The following ZBTB38 variants were observed in gnomAD, a reference collection of about 807,000 sequenced individuals.
ZBTB38 encodes zinc finger and BTB domain-containing protein 38.
In ZBTB38, 20 loss-of-function variants were observed where a neutral mutation model predicts 76.8. That is an observed-to-expected ratio of 0.26 (90% confidence interval 0.18 to 0.38). The LOEUF is 0.38. Among genes scored for constraint, ZBTB38 ranks in the 10% least tolerant of loss-of-function variants. ZBTB38 has a pLI of 1.00. For synonymous variants in ZBTB38, 504 were observed against 544.2 expected (o/e 0.93, Z 1.03); for missense variants, 1,082 against 1,482.3 (o/e 0.73, Z 4.43).
chr3:141,361,080 AC>A (rs1439105667), intron 1 of ZBTB38, among the ~76,000 whole-genome samples: 1 of 152,174 alleles, frequency 6.6e-6, no homozygotes, highest in Non-Finnish European at 1.5e-5. Context: ...CACTCAGGGA[AC>A]TTTGTTTTCC....
intron 2 of ZBTB38, among the ~76,000 whole-genome samples, chr3:141,377,294 T>C (rs1384203134): frequency 6.6e-6 from 1 of 152,176 alleles, no homozygotes; most frequent in African/African-American, 2.4e-5. Context: ...AACTGCTGTG[T>C]AGACAGCTAC....
chr3:141,398,001 T>TA (rs960457611), intron 4 of ZBTB38, among the ~76,000 whole-genome samples: 2 of 152,178 alleles, frequency 1.3e-5, no homozygotes, highest in Non-Finnish European at 2.9e-5. Flanking sequence ...TTTCAACCTG[T>TA]AAAAAAAGAC....
chr3:141,445,161 A>G lies in ZBTB38; in HGVS notation c.2773A>G (p.Lys925Glu). Residue 925 changes from lysine to glutamate, a missense_variant, in exon 6 of 6, where the codon AAA becomes GAA. Transcript: ENST00000321464. The surrounding 1 kb of genome is among the most constrained non-coding windows in gnomAD (Gnocchi z 6.5). ...GCGCCCTTACTACAACTACAAACCC[A>G]AAAAGAAATCCAGACAGTTGAAAAA... ...PWRPYYNYKP[K>E]KKSRQLKKMR... 1 of 1,614,146 alleles carries G rather than the reference A, an allele frequency of 6.2e-7. No individual in the cohort carries two copies. The highest frequency in any genetic ancestry group is 8.5e-7 in the Non-Finnish European group (1 of 1,180,016).
intron 5 of ZBTB38, among the ~76,000 whole-genome samples, chr3:141,415,247 C>T (rs1266346093): frequency 2.0e-5 from 3 of 152,124 alleles, no homozygotes; most frequent in East Asian, 1.9e-4. Context: ...CACCCATTTT[C>T]GTTGTAGGAG....
chr3:141,342,614 A>G (rs116488167), intron 1 of ZBTB38, among the ~76,000 whole-genome samples: 1,749 of 152,022 alleles, frequency 0.012, 22 homozygotes, highest in South Asian at 0.076. Flanking sequence ...AGCGGGTGCC[A>G]CACCCAGATT....
intron 1 of ZBTB38, among the ~76,000 whole-genome samples, chr3:141,333,496 A>G (rs906340491): frequency 6.6e-6 from 1 of 152,040 alleles, no homozygotes; most frequent in Non-Finnish European, 1.5e-5. Flanking sequence ...CTCAGATCAC[A>G]TTTGTGAGAT....
chr3:141,350,404 T>C (rs1428536089), intron 1 of ZBTB38, among the ~76,000 whole-genome samples: 1 of 152,224 alleles, frequency 6.6e-6, no homozygotes, highest in African/African-American at 2.4e-5. Flanking sequence ...AGTTTGTATT[T>C]GCCTTTCTGA....
intron 4 of ZBTB38, among the ~76,000 whole-genome samples, chr3:141,396,722 C>G (rs1950423128): frequency 1.3e-5 from 2 of 152,198 alleles, no homozygotes; most frequent in Admixed American, 1.3e-4. Flanking sequence ...GTTGTGTTAG[C>G]AGGCATGAAA....
At chr3:141,403,544 G>T (rs574299344) in intron 4 of ZBTB38, among the ~76,000 whole-genome samples, 1 of 152,174 alleles carries the variant, frequency 6.6e-6, no homozygotes, top group Non-Finnish European at 1.5e-5. Flanking sequence ...TGAGACTTTT[G>T]GTTTTCGGTT....
At chr3:141,350,456 C>G (rs1218013597) in intron 1 of ZBTB38, among the ~76,000 whole-genome samples, 3 of 152,116 alleles carry the variant, frequency 2.0e-5, no homozygotes, top group Admixed American at 2.0e-4. Flanking sequence ...TATTCAGTCT[C>G]CTTATGTAAT....
intron 5 of ZBTB38, among the ~76,000 whole-genome samples, chr3:141,412,785 C>T (rs1957087112): frequency 6.6e-6 from 1 of 151,968 alleles, no homozygotes; most frequent in Admixed American, 6.5e-5. Flanking sequence ...TTTCTCCCTC[C>T]CACAATTTTT....
intron 1 of ZBTB38, among the ~76,000 whole-genome samples, chr3:141,362,380 G>C (rs1032472672): frequency 6.6e-6 from 1 of 152,048 alleles, no homozygotes. Flanking sequence ...GATTCTCAGA[G>C]GTTATGATCT....
At chr3:141,420,102 G>A (rs2150131024) in intron 5 of ZBTB38, among the ~76,000 whole-genome samples, 1 of 152,314 alleles carries the variant, frequency 6.6e-6, no homozygotes, top group African/African-American at 2.4e-5. Context: ...TCAGGATGAG[G>A]AAGGTGGTGT....
chr3:141,371,041 CTTT>C (rs1576719321), intron 2 of ZBTB38, among the ~76,000 whole-genome samples: 1 of 75,458 alleles, frequency 1.3e-5, no homozygotes, highest in Admixed American at 1.1e-4. Context: ...TCTTTTCTTT[CTTT>C]CTTTTTTTTT....
intron 3 of ZBTB38, among the ~76,000 whole-genome samples, chr3:141,385,492 G>A: frequency 6.6e-6 from 1 of 152,064 alleles, no homozygotes; most frequent in East Asian, 1.9e-4. Flanking sequence ...AATTTTGCTA[G>A]CAAGCTATGC....
intron 5 of ZBTB38, among the ~76,000 whole-genome samples, chr3:141,436,388 G>A (rs920272154): frequency 2.6e-5 from 4 of 152,070 alleles, no homozygotes; most frequent in South Asian, 4.2e-4. Flanking sequence ...TAAATCCTTG[G>A]GCAGGCAGTG....
Position 141,446,014 on chromosome 3 carries a change from G to T in ZBTB38, c.*38G>T, listed in dbSNP as rs769575763. 6.7e-7 allele frequency: 1 copy of T among 1,502,772 alleles called. No homozygotes were observed. Among genetic ancestry groups the T allele is most frequent in the South Asian group, 1.3e-5 (1 of 76,498 alleles). The allele number at this position is 1,502,772 out of a possible 1,614,324, so 93.1% of individuals were successfully genotyped here. On this transcript the variant is annotated 3_prime_UTR_variant, in exon 6 of 6. Coordinates refer to ENST00000321464, the MANE Select transcript of ZBTB38 (RefSeq NM_001376113.1). ...AGAAAAATCTTCAAAAATATAGTTG[G>T]TGGTTTTTTTAGTTATGATTTAAGT... is the stretch of plus-strand genomic sequence containing the variant.
intron 1 of ZBTB38, among the ~76,000 whole-genome samples, chr3:141,329,712 A>G (rs1439110074): frequency 4.6e-5 from 7 of 152,202 alleles, no homozygotes; most frequent in Non-Finnish European, 1.0e-4. Flanking sequence ...ACTGCATTAC[A>G]TTTATGTGTC....
intron 1 of ZBTB38, among the ~76,000 whole-genome samples, chr3:141,357,483 G>T (rs145041908): frequency 6.5e-4 from 99 of 152,142 alleles, no homozygotes; most frequent in African/African-American, 2.3e-3. Context: ...TTTTCCATTT[G>T]GTATTTTTGT....
Sources: gnomAD v4.1 joint callset for allele counts (sites outside exome capture counted in the v4.1 genomes callset) on GRCh38, gnomAD v4.1.1 for gene constraint, Gnocchi (gnomAD v3.1) non-coding constraint, MANE v1.5 for transcripts, NCBI Gene and HGNC (gene_info 2026-07-23, HGNC 2026-07-21) for gene names.